LYRM4: variants seen among roughly 807,000 people sequenced by gnomAD.
LYRM4 encodes the protein LYR motif-containing protein 4.
LYRM4 carries 9 observed loss-of-function variants against 11.7 expected under a neutral mutation model. That is an observed-to-expected ratio of 0.77 (90% CI 0.46 to 1.34). LYRM4 has a LOEUF of 1.34. Ranked by LOEUF, LYRM4 falls within the 40% of genes most tolerant of loss-of-function variation. LYRM4 has a pLI of 0.00. For synonymous variants in LYRM4, 42 were observed against 40.4 expected, an observed-to-expected ratio of 1.04 and a Z score of -0.15; for missense variants, 133 against 112.5, an observed-to-expected ratio of 1.18 and a Z score of -0.82.
chr6:5,163,398 G>C (rs1196674513), intron 2 of LYRM4, among the ~76,000 whole-genome samples: 2 of 151,852 alleles, frequency 1.3e-5, no homozygotes, highest in African/African-American at 4.8e-5. Flanking sequence ...AGGCTGTTCT[G>C]TTTCACCGAT....
intron 2 of LYRM4, among the ~76,000 whole-genome samples, chr6:5,142,140 A>C (rs554098931): frequency 4.6e-5 from 7 of 152,168 alleles, no homozygotes; most frequent in Admixed American, 2.6e-4. Context: ...TGTTCTCTCT[A>C]TGTGAACCTG....
intron 1 of LYRM4, among the ~76,000 whole-genome samples, chr6:5,227,532 G>A (rs941920960): frequency 3.1e-4 from 47 of 152,318 alleles, no homozygotes; most frequent in African/African-American, 1.1e-3. Flanking sequence ...TGGTAGGAGT[G>A]TAAATTAGTT....
At chr6:5,251,691 G>GA (rs1292512230) in intron 1 of LYRM4, among the ~76,000 whole-genome samples, 1 of 152,212 alleles carries the variant, frequency 6.6e-6, no homozygotes, top group Non-Finnish European at 1.5e-5. Flanking sequence ...CAACACGGGG[G>GA]ATTGCATTTC....
the LYRM4 span, among the ~76,000 whole-genome samples, chr6:5,043,941 C>CA: frequency 3.3e-5 from 5 of 152,110 alleles, no homozygotes; most frequent in South Asian, 4.1e-4. Flanking sequence ...AAGGAAATCA[C>CA]AAAAAAAGGC....
At chr6:5,129,285 C>G (rs990399974) in intron 2 of LYRM4, among the ~76,000 whole-genome samples, 1 of 152,224 alleles carries the variant, frequency 6.6e-6, no homozygotes, top group Non-Finnish European at 1.5e-5. Flanking sequence ...TACCCCCAAA[C>G]AGGTGGCTTT....
At chr6:5,258,812 G>T (rs936878781) in intron 1 of LYRM4, among the ~76,000 whole-genome samples, 2 of 152,150 alleles carry the variant, frequency 1.3e-5, no homozygotes, top group Non-Finnish European at 2.9e-5. Context: ...TGATCTTACA[G>T]TTGCCCATAC....
At chr6:5,258,855 T>C (rs1425593611) in intron 1 of LYRM4, among the ~76,000 whole-genome samples, 1 of 152,202 alleles carries the variant, frequency 6.6e-6, no homozygotes, top group Admixed American at 6.5e-5. Context: ...GCCTTTCAGG[T>C]AGAGTCTTGA....
the LYRM4 span, among the ~76,000 whole-genome samples, chr6:5,059,789 C>T: frequency 6.6e-6 from 1 of 150,924 alleles, no homozygotes; most frequent in African/African-American, 2.4e-5. Context: ...GACTCTTCTC[C>T]TGTTAATCTG....
chr6:5,077,645 A>C, the LYRM4 span, among the ~76,000 whole-genome samples: 1 of 152,364 alleles, frequency 6.6e-6, no homozygotes, highest in South Asian at 2.1e-4. Context: ...CTACCTGAGA[A>C]TAAAAACTTG....
At chr6:5,178,736 C>T (rs1257160787) in intron 2 of LYRM4, among the ~76,000 whole-genome samples, 3 of 120,780 alleles carry the variant, frequency 2.5e-5, no homozygotes, top group Non-Finnish European at 3.2e-5. Flanking sequence ...ACCCGGGAGG[C>T]GGAGGTGGCA....
chr6:5,227,392 C>A (rs1295511497), intron 1 of LYRM4, among the ~76,000 whole-genome samples: 2 of 152,064 alleles, frequency 1.3e-5, no homozygotes, highest in African/African-American at 4.8e-5. Context: ...GGCAGGAAAG[C>A]CAGGATAATT....
chr6:5,169,775 A>C (rs1279189453), intron 2 of LYRM4, among the ~76,000 whole-genome samples: 1 of 152,170 alleles, frequency 6.6e-6, no homozygotes, highest in Non-Finnish European at 1.5e-5. Flanking sequence ...ATTTTGTAAG[A>C]TCCACAGATC....
At chr6:5,057,812 A>G in the LYRM4 span, among the ~76,000 whole-genome samples, 3 of 151,258 alleles carry the variant, frequency 2.0e-5, 1 homozygote, top group South Asian at 6.3e-4. Flanking sequence ...ACCCAGGCGG[A>G]GTGCAGTGGT....
the LYRM4 span, among the ~76,000 whole-genome samples, chr6:5,073,071 G>A: frequency 6.6e-6 from 1 of 152,010 alleles, no homozygotes; most frequent in Non-Finnish European, 1.5e-5. Context: ...TTGTATGTCA[G>A]TTATTAAAAA....
chr6:5,118,094 A>ATATATTTTTTTT, intron 2 of LYRM4, among the ~76,000 whole-genome samples: 4 of 86,124 alleles, frequency 4.6e-5, no homozygotes, highest in East Asian at 6.2e-4. Context: ...ATATATATAT[A>ATATATTTTTTTT]TTTTTGTTTT....
intron 2 of LYRM4, among the ~76,000 whole-genome samples, chr6:5,167,814 T>G (rs1258224943): frequency 6.6e-6 from 1 of 152,126 alleles, no homozygotes; most frequent in East Asian, 1.9e-4. Context: ...AAGCTATGAA[T>G]GGGGTATACA....
At chr6:5,156,394 G>T (rs1758412950) in intron 2 of LYRM4, among the ~76,000 whole-genome samples, 1 of 152,220 alleles carries the variant, frequency 6.6e-6, no homozygotes, top group Admixed American at 6.5e-5. Flanking sequence ...TGGTATGTAT[G>T]TGTGCAAGAG....
At chr6:5,057,633 T>C in the LYRM4 span, among the ~76,000 whole-genome samples, 1 of 151,454 alleles carries the variant, frequency 6.6e-6, no homozygotes, top group Non-Finnish European at 1.5e-5. Flanking sequence ...GGGAATCGCT[T>C]GAACCTGGGA....
intron 1 of LYRM4, among the ~76,000 whole-genome samples, chr6:5,226,256 T>C (rs976912780): frequency 4.6e-5 from 7 of 152,238 alleles, no homozygotes; most frequent in African/African-American, 1.7e-4. Context: ...CATGTGTTCC[T>C]GAGAACATGT....
Sources: allele counts gnomAD v4.1 joint callset (sites outside exome capture counted in the v4.1 genomes callset), GRCh38; gene constraint gnomAD v4.1.1; transcripts MANE v1.5; gene names NCBI Gene and HGNC (gene_info 2026-07-23, HGNC 2026-07-21).